EBF2: variants seen among roughly 807,000 people sequenced by gnomAD.
The protein encoded by EBF2 is transcription factor COE2.
In EBF2, 21 loss-of-function variants were observed where a neutral mutation model predicts 72.8. The observed-to-expected ratio is 0.29, with a 90% CI of 0.20 to 0.42. The LOEUF (loss-of-function observed/expected upper bound fraction) is 0.42, where lower values mean the gene tolerates loss of function less well. EBF2 is among the 10% of genes least tolerant of loss of function. The pLI is 1.00. For missense variants in EBF2, 637 were observed against 731.2 expected, an observed-to-expected ratio of 0.87 and a Z score of 1.49; for synonymous variants, 299 against 274.2, an observed-to-expected ratio of 1.09 and a Z score of -0.89.
chr8:25,964,647 A>C (rs574727576), intron 6 of EBF2, among the ~76,000 whole-genome samples: 36 of 152,226 alleles, frequency 2.4e-4, no homozygotes, highest in Non-Finnish European at 4.4e-4. Context: ...TATTCATCAT[A>C]ATACCACAGC....
At chr8:25,954,649 A>G (rs1226998483) in intron 6 of EBF2, among the ~76,000 whole-genome samples, 1 of 152,138 alleles carries the variant, frequency 6.6e-6, no homozygotes, top group Non-Finnish European at 1.5e-5. Flanking sequence ...CTCACCGTTC[A>G]AGGCTCTTCT....
chr8:25,956,192 G>A (rs1033567252), intron 6 of EBF2, among the ~76,000 whole-genome samples: 2 of 152,130 alleles, frequency 1.3e-5, no homozygotes, highest in Admixed American at 6.5e-5. Context: ...GCTGAGGCGG[G>A]CAGATCACCT....
chr8:25,897,387 A>G (rs1802878147), intron 7 of EBF2, among the ~76,000 whole-genome samples: 1 of 152,066 alleles, frequency 6.6e-6, no homozygotes, highest in African/African-American at 2.4e-5. Flanking sequence ...TTTAGATTCA[A>G]GGAGTATACA....
intron 6 of EBF2, among the ~76,000 whole-genome samples, chr8:25,997,964 A>G (rs1804664126): frequency 6.6e-6 from 1 of 152,218 alleles, no homozygotes; most frequent in Non-Finnish European, 1.5e-5. Flanking sequence ...ATACATCTTA[A>G]AAGTATTAGA....
At chr8:26,042,457 G>A (rs1481046129) in intron 1 of EBF2, among the ~76,000 whole-genome samples, 3 of 152,170 alleles carry the variant, frequency 2.0e-5, no homozygotes, top group Non-Finnish European at 2.9e-5. Context: ...GGGTGGCAGG[G>A]TTGATACCTG....
At chr8:25,949,609 G>C (rs1803825777) in intron 6 of EBF2, among the ~76,000 whole-genome samples, 1 of 152,028 alleles carries the variant, frequency 6.6e-6, no homozygotes, top group African/African-American at 2.4e-5. Flanking sequence ...TCCCTAAGAA[G>C]GGCAATAAAA....
chr8:26,012,251 G>C (rs1041366945), intron 6 of EBF2, among the ~76,000 whole-genome samples: 1 of 152,134 alleles, frequency 6.6e-6, no homozygotes, highest in Non-Finnish European at 1.5e-5. Flanking sequence ...TTCTGTGGAA[G>C]GTTGCCTTTG....
At position 25,957,214 on chromosome 8, in the gene EBF2, T is replaced by A. The variant is rs140647968; in HGVS notation, c.552-48659A>T. On this transcript the variant is annotated intron_variant, in intron 6 of 15. Transcript: ENST00000520164. ...GCCATTTCCCCCCCAAGAGCAAATC[T>A]TTCTTTCCCACAGATAATGAAGATC... 4.3e-3 allele frequency among the ~76,000 whole-genome samples: 654 copies of A among 152,314 alleles called. 2 individuals carry two copies. Among genetic ancestry groups the A allele is most frequent in the Middle Eastern group, 0.01 (3 of 294 alleles).
At chr8:25,923,979 C>T (rs954832471) in intron 6 of EBF2, among the ~76,000 whole-genome samples, 8 of 152,104 alleles carry the variant, frequency 5.3e-5, no homozygotes, top group African/African-American at 1.7e-4. Flanking sequence ...ATGTCATCTA[C>T]TTTTCATGTG....
intron 4 of EBF2, among the ~76,000 whole-genome samples, 171 bp downstream of exon 4, chr8:26,040,442 GAAA>G (rs879043883): frequency 7.9e-6 from 1 of 126,576 alleles, no homozygotes; most frequent in Admixed American, 8.4e-5. Flanking sequence ...AGACAGGGAA[GAAA>G]AAAAAAAAAA....
intron 6 of EBF2, among the ~76,000 whole-genome samples, chr8:25,945,148 G>A (rs1454580148): frequency 7.6e-6 from 1 of 132,020 alleles, no homozygotes; most frequent in Admixed American, 9.7e-5. Flanking sequence ...TGTGACCTGA[G>A]CTACAGTTCC....
At chr8:26,003,623 G>A (rs756162425) in intron 6 of EBF2, among the ~76,000 whole-genome samples, 1 of 152,060 alleles carries the variant, frequency 6.6e-6, no homozygotes, top group Admixed American at 6.6e-5. Flanking sequence ...TGCCCTAAGA[G>A]GCAACCTCCA....
chr8:25,947,398 T>C (rs1262371543), intron 6 of EBF2, among the ~76,000 whole-genome samples: 1 of 152,212 alleles, frequency 6.6e-6, no homozygotes. Flanking sequence ...TAAACCTCTT[T>C]CCTTTACAAA....
At chr8:25,889,501 A>G (rs936296228) in intron 8 of EBF2, among the ~76,000 whole-genome samples, 1 of 152,158 alleles carries the variant, frequency 6.6e-6, no homozygotes, top group African/African-American at 2.4e-5. Context: ...TGCCCGTCTC[A>G]CAAAAAGGAA....
At chr8:26,010,988 TACACACACACACAC>T in intron 6 of EBF2, among the ~76,000 whole-genome samples, 1 of 150,868 alleles carries the variant, frequency 6.6e-6, no homozygotes, top group African/African-American at 2.4e-5. Flanking sequence ...TATGTGTGCA[TACACACACACACAC>T]ACACACACAC....
chr8:26,033,037 T>G (rs773761507), intron 6 of EBF2, 48 bp downstream of exon 6: 9 of 1,559,860 alleles, frequency 5.8e-6, no homozygotes, highest in Non-Finnish European at 8.0e-6. Flanking sequence ...TTGAGGTTCA[T>G]GAAGAAAAGG....
At chr8:25,919,468 G>T (rs778554234) in intron 6 of EBF2, among the ~76,000 whole-genome samples, 5 of 152,130 alleles carry the variant, frequency 3.3e-5, no homozygotes, top group African/African-American at 7.2e-5. Context: ...GTGGCCAAAA[G>T]ATTAAGTCAA....
At chr8:26,003,659 C>G (rs1804778642) in intron 6 of EBF2, among the ~76,000 whole-genome samples, 1 of 152,122 alleles carries the variant, frequency 6.6e-6, no homozygotes, top group South Asian at 2.1e-4. Context: ...GGTAAACTGA[C>G]TGAGGAGCTG....
chr8:25,930,818 T>C (rs1189050131), intron 6 of EBF2, among the ~76,000 whole-genome samples: 2 of 152,128 alleles, frequency 1.3e-5, no homozygotes, highest in Non-Finnish European at 2.9e-5. Flanking sequence ...AAGTTAGGGA[T>C]GCCAACCTCC....
Sources: allele counts gnomAD v4.1 joint callset (sites outside exome capture counted in the v4.1 genomes callset), GRCh38; gene constraint gnomAD v4.1.1; transcripts MANE v1.5; gene names NCBI Gene and HGNC (gene_info 2026-07-23, HGNC 2026-07-21).